The following ME1 variants were observed in gnomAD, a reference collection of about 807,000 sequenced individuals.
ME1 encodes the protein malic enzyme 1, also known as NADP-dependent malic enzyme.
In ME1, 74 loss-of-function variants were observed where a neutral mutation model predicts 66.4. The ratio of observed to expected loss-of-function variants is 1.11; its 90% CI spans 0.92 to 1.35. ME1 has a LOEUF of 1.35. Ranked by LOEUF, ME1 falls within the 40% of genes most tolerant of loss-of-function variation. The pLI is 0.00. For synonymous variants in ME1, 251 were observed against 235.6 expected (o/e 1.07, Z -0.60); for missense variants, 750 against 694.1 (o/e 1.08, Z -0.90).
intron 7 of ME1, among the ~76,000 whole-genome samples, chr6:83,245,880 T>C (rs141642929): frequency 3.9e-5 from 6 of 152,198 alleles, no homozygotes; most frequent in Non-Finnish European, 5.9e-5. Context: ...TATAAAGAAA[T>C]CTTACAGGAT....
intron 3 of ME1, among the ~76,000 whole-genome samples, chr6:83,386,940 A>G (rs558101905): frequency 8.1e-4 from 124 of 152,260 alleles, no homozygotes; most frequent in Admixed American, 1.5e-3. Context: ...CAGCCTCCCC[A>G]GAACTGTGAG....
intron 6 of ME1, among the ~76,000 whole-genome samples, chr6:83,283,976 C>T (rs545481277): frequency 1.5e-3 from 234 of 152,154 alleles, no homozygotes; most frequent in Non-Finnish European, 2.9e-3. Flanking sequence ...GGAACAAGAT[C>T]AATAGACTGC....
At chr6:83,370,515 C>T (rs1431237087) in intron 3 of ME1, among the ~76,000 whole-genome samples, 2 of 152,076 alleles carry the variant, frequency 1.3e-5, no homozygotes, top group Non-Finnish European at 2.9e-5. Flanking sequence ...GAATGATAAA[C>T]TCCTATGCAT....
chr6:83,222,892 C>A (rs1790119296), intron 12 of ME1, among the ~76,000 whole-genome samples: 1 of 152,174 alleles, frequency 6.6e-6, no homozygotes, highest in African/African-American at 2.4e-5. Flanking sequence ...TTGTGATGTT[C>A]TGAGAATCTT....
intron 6 of ME1, among the ~76,000 whole-genome samples, chr6:83,284,971 T>C (rs1416003948): frequency 1.3e-5 from 2 of 152,216 alleles, no homozygotes; most frequent in African/African-American, 4.8e-5. Flanking sequence ...CATCTGTTGA[T>C]GGACACTTAG....
At chr6:83,315,214 C>G (rs1348182421) in intron 6 of ME1, 96 bp downstream of exon 6, 12 of 713,002 alleles carry the variant, frequency 1.7e-5, no homozygotes, top group Non-Finnish European at 2.9e-5. Context: ...CAAATTACTT[C>G]TAATTATTAA....
At chr6:83,232,159 T>A (rs1463998421) in intron 9 of ME1, among the ~76,000 whole-genome samples, 2 of 152,162 alleles carry the variant, frequency 1.3e-5, no homozygotes, top group Non-Finnish European at 2.9e-5. Context: ...CTAGAAAAAC[T>A]CTTCCACAAG....
At chr6:83,419,773 C>A (rs1770231355) in intron 1 of ME1, among the ~76,000 whole-genome samples, 1 of 152,194 alleles carries the variant, frequency 6.6e-6, no homozygotes. Context: ...CTTCTGGCAG[C>A]TCTGGCTATG....
In ME1 at chr6:83,340,939, G is replaced by A. The variant is rs139562905; in HGVS notation, c.600+5234C>T. Among the ~76,000 whole-genome samples the A allele has an allele frequency of 4.7e-3, 716 of 151,678 alleles. 8 individuals carry two copies. Among genetic ancestry groups the A allele is most frequent in the African/African-American group, 0.017 (684 of 41,354 alleles). On this transcript the variant is annotated intron_variant, in intron 5 of 13. Transcript: ENST00000369705. ...TCTATTTATTCTGTGGATGGACTCT[G>A]GTGACAGTTGACAAGCATTCAACCA... is the stretch of plus-strand genomic sequence containing the variant.
chr6:83,309,693 A>T (rs1767894807), intron 6 of ME1, among the ~76,000 whole-genome samples: 2 of 152,136 alleles, frequency 1.3e-5, no homozygotes, highest in South Asian at 4.1e-4. Context: ...AAATATAAAG[A>T]TGTATGACTT....
intron 7 of ME1, among the ~76,000 whole-genome samples, chr6:83,249,208 G>A (rs1790677296): frequency 6.6e-6 from 1 of 151,772 alleles, no homozygotes; most frequent in Non-Finnish European, 1.5e-5. Flanking sequence ...CTTAAGCATG[G>A]TGAATTTTAA....
At chr6:83,374,821 C>A (rs1221144591) in intron 3 of ME1, among the ~76,000 whole-genome samples, 1 of 152,134 alleles carries the variant, frequency 6.6e-6, no homozygotes, top group African/African-American at 2.4e-5. Flanking sequence ...TATGGGTACC[C>A]AGTTTTCCCA....
intron 1 of ME1, among the ~76,000 whole-genome samples, chr6:83,428,011 CAAA>C (rs57471870): frequency 8.2e-6 from 1 of 122,382 alleles, no homozygotes. Context: ...GGCTCTGTCT[CAAA>C]AAAAAAAAAA....
chr6:83,289,678 C>T (rs1201909421), intron 6 of ME1, among the ~76,000 whole-genome samples: 1 of 151,992 alleles, frequency 6.6e-6, no homozygotes, highest in East Asian at 1.9e-4. Context: ...CCTTTTTTCT[C>T]ATTGATCAGA....
intron 1 of ME1, among the ~76,000 whole-genome samples, chr6:83,430,666 C>A (rs936352785): frequency 6.6e-6 from 1 of 152,280 alleles, no homozygotes; most frequent in Non-Finnish European, 1.5e-5. Flanking sequence ...GAGGCACCAG[C>A]ACTGCCCTGC....
chr6:83,413,095 C>T (rs1384601400), intron 1 of ME1, among the ~76,000 whole-genome samples: 4 of 152,046 alleles, frequency 2.6e-5, no homozygotes, highest in Admixed American at 6.6e-5. Flanking sequence ...CATATTCCAC[C>T]TCCTAGGCTC....
intron 3 of ME1, among the ~76,000 whole-genome samples, chr6:83,367,524 C>G (rs947271494): frequency 6.6e-6 from 1 of 152,310 alleles, no homozygotes; most frequent in East Asian, 1.9e-4. Context: ...ATGATCTTAG[C>G]TAGATCTGGA....
intron 2 of ME1, among the ~76,000 whole-genome samples, chr6:83,404,222 A>G (rs978827462): frequency 3.3e-5 from 5 of 151,830 alleles, no homozygotes; most frequent in African/African-American, 1.2e-4. Flanking sequence ...ATGGTATTTC[A>G]TTGCGGTTTT....
At chr6:83,263,825 T>A (rs144902051) in intron 6 of ME1, among the ~76,000 whole-genome samples, 7 of 47,196 alleles carry the variant, frequency 1.5e-4, no homozygotes, top group African/African-American at 6.2e-4. Context: ...TAACATAACA[T>A]AACATAACAT....
Sources: allele counts gnomAD v4.1 joint callset (sites outside exome capture counted in the v4.1 genomes callset), GRCh38; gene constraint gnomAD v4.1.1; transcripts MANE v1.5; gene names NCBI Gene and HGNC (gene_info 2026-07-23, HGNC 2026-07-21).